Variants in MICU3 observed in about 807,000 individuals in gnomAD.
The protein encoded by MICU3 is mitochondrial calcium uptake 3.
MICU3 carries 62 observed loss-of-function variants against 66.5 expected under a neutral mutation model. The ratio of observed to expected loss-of-function variants is 0.93; its 90% CI spans 0.76 to 1.15. The LOEUF is 1.15. Ranked by LOEUF, MICU3 falls within the 50% of genes most tolerant of loss-of-function variation. The pLI is 0.00. For missense variants in MICU3, 779 were observed against 664.4 expected, an observed-to-expected ratio of 1.17 and a Z score of -1.90; for synonymous variants, 308 against 240.7, an observed-to-expected ratio of 1.28 and a Z score of -2.59.
intron 1 of MICU3, among the ~76,000 whole-genome samples, chr8:17,045,617 C>G (rs1814947284): frequency 6.6e-6 from 1 of 152,188 alleles, no homozygotes; most frequent in Non-Finnish European, 1.5e-5. Flanking sequence ...CATACCCGGG[C>G]TGGCAGGGAA....
chr8:17,037,237 G>T (rs1585171299), intron 1 of MICU3, among the ~76,000 whole-genome samples: 1 of 152,208 alleles, frequency 6.6e-6, no homozygotes, highest in Non-Finnish European at 1.5e-5. Context: ...ATGGGCTCCA[G>T]CCTTGGCCAG....
chr8:17,130,065 G>A, the MICU3 span, among the ~76,000 whole-genome samples: 1 of 152,066 alleles, frequency 6.6e-6, no homozygotes, highest in African/African-American at 2.4e-5. Context: ...AAATACTGTC[G>A]GAGAGAATGT....
the MICU3 span, chr8:17,131,238 A>G: frequency 1.3e-5 from 2 of 152,260 alleles, no homozygotes; most frequent in Non-Finnish European, 2.9e-5. Flanking sequence ...GCTAAGACTG[A>G]GATAGAGCTC....
At chr8:17,040,456 T>A (rs1029488060) in intron 1 of MICU3, among the ~76,000 whole-genome samples, 2 of 152,186 alleles carry the variant, frequency 1.3e-5, no homozygotes, top group Non-Finnish European at 1.5e-5. Flanking sequence ...GATCAGAAGA[T>A]CACATAAACA....
intron 1 of MICU3, among the ~76,000 whole-genome samples, chr8:17,035,868 T>C (rs1006974929): frequency 6.6e-6 from 1 of 152,178 alleles, no homozygotes; most frequent in South Asian, 2.1e-4. Context: ...AGCCAAATGT[T>C]AGTCACCAAG....
At chr8:17,126,977 A>G (rs779914618), downstream of MICU3, among the ~76,000 whole-genome samples, 15 of 152,192 alleles carry the variant, frequency 9.9e-5, no homozygotes, top group Admixed American at 9.2e-4. Flanking sequence ...TTATTAATCT[A>G]ATTCAGTATG....
At chr8:17,110,283 A>G (rs1447678229) in intron 11 of MICU3, among the ~76,000 whole-genome samples, 1 of 152,134 alleles carries the variant, frequency 6.6e-6, no homozygotes, top group Admixed American at 6.5e-5. Flanking sequence ...ATAACAAAAA[A>G]TTAACCGTTT....
the MICU3 span, chr8:17,131,366 G>T: frequency 5.3e-5 from 8 of 150,462 alleles, no homozygotes; most frequent in Non-Finnish European, 1.0e-4. Context: ...GGGAGCATAA[G>T]TGGGAGTTGC....
At chr8:17,030,492 A>T (rs1003736512) in intron 1 of MICU3, among the ~76,000 whole-genome samples, 2 of 152,126 alleles carry the variant, frequency 1.3e-5, no homozygotes, top group Non-Finnish European at 2.9e-5. Context: ...CAGCAGGCAC[A>T]TGTGCACATA....
In MICU3 at chr8:17,034,340, A is replaced by T. The variant is rs144500656; in HGVS notation, c.381+6680A>T. 4.0e-4 allele frequency among the ~76,000 whole-genome samples: 61 copies of T among 152,336 alleles called. No individual in the cohort carries two copies. In the East Asian group the frequency reaches 0.01, roughly 26 times the overall value. On this transcript the variant is annotated intron_variant, in intron 1 of 14. Transcript: ENST00000318063. ...CGTAGTCACCCAAGAGGTCTGATGG[A>T]GATTTACAAGGAGATCAGTGTTTTT...
intron 11 of MICU3, among the ~76,000 whole-genome samples, chr8:17,109,311 C>T (rs1247484818): frequency 6.6e-6 from 1 of 151,900 alleles, no homozygotes; most frequent in Admixed American, 6.6e-5. Context: ...GAACTTGAAG[C>T]TTTTTTGTTT....
chr8:17,039,095 T>C (rs1813581038), intron 1 of MICU3, among the ~76,000 whole-genome samples: 1 of 152,208 alleles, frequency 6.6e-6, no homozygotes, highest in Non-Finnish European at 1.5e-5. Context: ...AAAATTTTGA[T>C]TTGCTGAAGG....
intron 2 of MICU3, among the ~76,000 whole-genome samples, chr8:17,067,408 G>A (rs948418385): frequency 6.6e-6 from 1 of 151,448 alleles, no homozygotes; most frequent in East Asian, 2.0e-4. Context: ...CATCATCATC[G>A]TCATCAGAAT....
intron 1 of MICU3, among the ~76,000 whole-genome samples, chr8:17,040,206 C>T (rs540823568): frequency 4.6e-5 from 7 of 152,182 alleles, no homozygotes; most frequent in Admixed American, 2.0e-4. Context: ...CTGTGCCTGG[C>T]CCCATTATCA....
At chr8:17,080,694 A>G (rs1172647288) in intron 4 of MICU3, among the ~76,000 whole-genome samples, 1 of 152,176 alleles carries the variant, frequency 6.6e-6, no homozygotes, top group East Asian at 1.9e-4. Context: ...TAGTATAAAC[A>G]AAAGAAGGGA....
chr8:17,056,948 G>A (rs1366517619), intron 1 of MICU3, among the ~76,000 whole-genome samples: 1 of 152,212 alleles, frequency 6.6e-6, no homozygotes, highest in Non-Finnish European at 1.5e-5. Context: ...TCCCGGAGCT[G>A]GCCATGGCAG....
At chr8:17,065,998 T>C (rs1818620822) in intron 2 of MICU3, among the ~76,000 whole-genome samples, 1 of 151,796 alleles carries the variant, frequency 6.6e-6, no homozygotes, top group Non-Finnish European at 1.5e-5. Context: ...CAGTATATGG[T>C]ATAGTCATAG....
intron 12 of MICU3, among the ~76,000 whole-genome samples, chr8:17,115,936 C>G (rs1802638062): frequency 1.3e-5 from 2 of 152,180 alleles, no homozygotes; most frequent in African/African-American, 4.8e-5. Flanking sequence ...TCTCTATAGG[C>G]TGAAATTGTC....
chr8:17,036,419 C>T (rs978564852), intron 1 of MICU3, among the ~76,000 whole-genome samples: 30 of 151,806 alleles, frequency 2.0e-4, no homozygotes, highest in African/African-American at 6.3e-4. Context: ...AATGCTGGCT[C>T]GGGCAGCCTG....
Sources: gnomAD v4.1 joint callset for allele counts (sites outside exome capture counted in the v4.1 genomes callset) on GRCh38, gnomAD v4.1.1 for gene constraint, MANE v1.5 for transcripts, NCBI Gene and HGNC (gene_info 2026-07-23, HGNC 2026-07-21) for gene names.